Variants in IGF1R observed in about 807,000 individuals in gnomAD.
The protein encoded by IGF1R is insulin-like growth factor 1 receptor.
A neutral mutation model predicts 144.6 loss-of-function variants in IGF1R; 44 were observed. The observed-to-expected ratio is 0.30, with a 90% confidence interval of 0.24 to 0.39. IGF1R has a LOEUF of 0.39. Ranked by LOEUF, IGF1R falls within the 10% of genes least tolerant of loss-of-function variation. The pLI is 1.00. For synonymous variants in IGF1R, 795 were observed against 722.8 expected (o/e 1.10, Z -1.60); for missense variants, 1,355 against 1,833.7 (o/e 0.74, Z 4.77).
intron 5 of IGF1R, among the ~76,000 whole-genome samples, 191 bp from the exon 6 acceptor site, chr15:98,908,494 C>T (rs2014840124): frequency 6.6e-6 from 1 of 152,166 alleles, no homozygotes; most frequent in Non-Finnish European, 1.5e-5. Context: ...ATATGTTATC[C>T]TTGAATCATG....
At chr15:98,842,315 G>T (rs564083915) in intron 2 of IGF1R, among the ~76,000 whole-genome samples, 32 of 152,294 alleles carry the variant, frequency 2.1e-4, no homozygotes, top group South Asian at 1.0e-3. Flanking sequence ...ACTCTGAGGG[G>T]CTAAGTGAAC....
intron 2 of IGF1R, among the ~76,000 whole-genome samples, chr15:98,840,275 T>C (rs1596348158): frequency 6.6e-6 from 1 of 152,190 alleles, no homozygotes; most frequent in African/African-American, 2.4e-5. Flanking sequence ...GCAAAAACAG[T>C]GCGCACTGTT....
intron 2 of IGF1R, among the ~76,000 whole-genome samples, chr15:98,712,126 C>T (rs973595553): frequency 6.6e-6 from 1 of 152,112 alleles, no homozygotes; most frequent in African/African-American, 2.4e-5. Flanking sequence ...GGAGTTCTGT[C>T]CTGGGCTCTC....
intron 2 of IGF1R, among the ~76,000 whole-genome samples, chr15:98,721,110 T>C (rs1049175431): frequency 2.0e-5 from 3 of 152,210 alleles, no homozygotes; most frequent in African/African-American, 7.2e-5. Flanking sequence ...GAGCAGACGT[T>C]ACCTACTGAG....
chr15:98,953,008 G>A (rs1381188840), intron 20 of IGF1R: 1 of 152,218 alleles, frequency 6.6e-6, no homozygotes, highest in Non-Finnish European at 1.5e-5. Context: ...TCTAGCATGG[G>A]AGTTCTGTTG....
intron 14 of IGF1R, among the ~76,000 whole-genome samples, chr15:98,929,925 C>T (rs1021885043): frequency 3.0e-4 from 45 of 152,342 alleles, no homozygotes; most frequent in African/African-American, 9.4e-4. Context: ...CTTTTCCAAA[C>T]GCGATGCGCT....
intron 1 of IGF1R, among the ~76,000 whole-genome samples, chr15:98,652,734 T>TG (rs1421769966): frequency 6.6e-6 from 1 of 152,094 alleles, no homozygotes; most frequent in Non-Finnish European, 1.5e-5. Flanking sequence ...AGAAGGTAGA[T>TG]GAGTGGTTGC....
intron 2 of IGF1R, among the ~76,000 whole-genome samples, chr15:98,801,560 A>C (rs886073482): frequency 5.3e-5 from 8 of 152,242 alleles, no homozygotes; most frequent in African/African-American, 1.9e-4. Context: ...AGCTGTGCAC[A>C]GGGAGCAAAC....
chr15:98,851,039 C>T (rs139322653), intron 2 of IGF1R, among the ~76,000 whole-genome samples: 8 of 152,288 alleles, frequency 5.3e-5, no homozygotes, highest in Non-Finnish European at 1.0e-4. Flanking sequence ...CTACCAAAAC[C>T]GATTTCGGAG....
chr15:98,753,584 T>G (rs1002535297), intron 2 of IGF1R, among the ~76,000 whole-genome samples: 7 of 142,752 alleles, frequency 4.9e-5, no homozygotes, highest in East Asian at 1.9e-4. Context: ...GAGATGTGGG[T>G]TTTTTTTCCT....
At position 98,961,106 on chromosome 15, in the gene IGF1R, G is replaced by A. The variant is rs763779169; in HGVS notation, c.*3664G>A. 4.7e-4 allele frequency: 110 copies of A among 233,376 alleles called. No homozygotes were observed. Among genetic ancestry groups the A allele is most frequent in the Non-Finnish European group, 7.8e-4 (92 of 117,922 alleles). 14.5% of individuals were successfully genotyped at this position (233,376 alleles called of 1,614,324 possible). A position where few individuals can be genotyped will look rare whatever the true frequency, so the allele number is the denominator to read the frequency against. On this transcript the variant is annotated 3_prime_UTR_variant, in exon 21 of 21. Coordinates refer to ENST00000650285, the MANE Select transcript of IGF1R (RefSeq NM_000875.5). ...GCGCTCAGGAGCCTCCTGCTGGAAC[G>A]CGACCCATCTCTCCCAGGACCCCGG...
intron 13 of IGF1R, among the ~76,000 whole-genome samples, chr15:98,927,736 T>A (rs1314161871): frequency 6.6e-6 from 1 of 152,230 alleles, no homozygotes; most frequent in Non-Finnish European, 1.5e-5. Context: ...CTTTCTTCGA[T>A]TAAAATACTT....
At chr15:98,865,109 C>T (rs533355967) in intron 2 of IGF1R, among the ~76,000 whole-genome samples, 2 of 152,168 alleles carry the variant, frequency 1.3e-5, no homozygotes, top group Non-Finnish European at 2.9e-5. Flanking sequence ...GGACTCCTTA[C>T]AGTAGGATAC....
intron 2 of IGF1R, among the ~76,000 whole-genome samples, chr15:98,736,338 G>T (rs1045288164): frequency 3.3e-5 from 5 of 152,152 alleles, no homozygotes; most frequent in African/African-American, 1.2e-4. Context: ...TATTGAACTT[G>T]AACTGTCCTA....
intron 2 of IGF1R, among the ~76,000 whole-genome samples, chr15:98,825,635 C>T (rs2056880616): frequency 6.6e-6 from 1 of 152,162 alleles, no homozygotes; most frequent in African/African-American, 2.4e-5. Flanking sequence ...TCCCTCTCCC[C>T]CACCCATCTG....
At position 98,916,699 on chromosome 15, in the gene IGF1R, A is replaced by C; in HGVS notation, c.2024A>C (p.Asp675Ala). The C allele has an allele frequency of 6.2e-7, 1 of 1,614,000 alleles. No homozygotes were observed. ...AAAATCCCCATCAGGAAGTATGCCG[A>C]CGGCACCATCGACATTGAGGAGGTC... is the stretch of plus-strand genomic sequence containing the variant. The part of the protein sequence containing the change: ...KDKIPIRKYA[D>A]GTIDIEEVTE... The change falls in exon 10 of 21, where the codon GAC becomes GCC. Residue 675 changes from aspartate to alanine, a missense_variant. Around this residue, in one of 7 missense-constraint regions of IGF1R, gnomAD observed 880 missense variants for 1,202.7 expected, o/e 0.73. Coordinates refer to ENST00000650285, the MANE Select transcript of IGF1R (RefSeq NM_000875.5).
chr15:98,684,416 G>T (rs1367984670), intron 1 of IGF1R, among the ~76,000 whole-genome samples: 2 of 148,124 alleles, frequency 1.4e-5, no homozygotes, highest in African/African-American at 2.5e-5. Context: ...GAGGTGGGGG[G>T]TGTGGGCGGA....
chr15:98,907,362 A>G (rs1327680351), intron 5 of IGF1R, among the ~76,000 whole-genome samples: 8 of 151,748 alleles, frequency 5.3e-5, no homozygotes, highest in Non-Finnish European at 1.0e-4. Context: ...CCCAATGGAC[A>G]TAGCCTCCAG....
chr15:98,673,766 T>A (rs2052959791), intron 1 of IGF1R, among the ~76,000 whole-genome samples: 1 of 152,230 alleles, frequency 6.6e-6, no homozygotes, highest in East Asian at 1.9e-4. Flanking sequence ...TTTTTAAGCG[T>A]GCTGTTCATT....
Sources: allele counts gnomAD v4.1 joint callset (sites outside exome capture counted in the v4.1 genomes callset), GRCh38; gene constraint gnomAD v4.1.1; regional missense constraint gnomAD v4.1.1; transcripts MANE v1.5; gene names NCBI Gene and HGNC (gene_info 2026-07-23, HGNC 2026-07-21).